MTX2: variants seen among roughly 807,000 people sequenced by gnomAD.
MTX2 encodes the protein metaxin-2.
Under a neutral mutation model 42.3 loss-of-function variants are expected in MTX2, and 35 were observed. That is an observed-to-expected ratio of 0.83 (90% CI 0.63 to 1.10). The LOEUF is 1.10. MTX2 is among the 50% of genes least tolerant of loss of function. MTX2 has a pLI of 0.00. For missense variants in MTX2, 307 were observed against 304.1 expected (o/e 1.01, Z -0.07); for synonymous variants, 119 against 100.9 (o/e 1.18, Z -1.08).
intron 1 of MTX2, among the ~76,000 whole-genome samples, chr2:176,293,577 G>A (rs11887126): frequency 0.25 from 37,856 of 151,786 alleles, 4,949 homozygotes; most frequent in South Asian, 0.31. Context: ...AAAGAGAGCG[G>A]CATCTCCCCC....
At chr2:176,304,404 A>G (rs1250820590) in intron 3 of MTX2, 2 of 152,708 alleles carry the variant, frequency 1.3e-5, no homozygotes, top group Admixed American at 6.5e-5. Context: ...AATAGTCACA[A>G]ATATAATTAA....
At chr2:176,282,126 G>GTTTTTTTGTTTTTTTT (rs1693091383) in intron 1 of MTX2, among the ~76,000 whole-genome samples, 3 of 26,432 alleles carry the variant, frequency 1.1e-4, no homozygotes, top group Admixed American at 6.1e-4. Context: ...AGTTACAGTA[G>GTTTTTTTGTTTTTTTT]TTTTTTTTTT....
intron 3 of MTX2, among the ~76,000 whole-genome samples, chr2:176,307,345 G>A (rs1423717386): frequency 6.6e-6 from 1 of 152,146 alleles, no homozygotes; most frequent in Non-Finnish European, 1.5e-5. Flanking sequence ...GTAGTGTGAT[G>A]CCTCCAGCTT....
intron 3 of MTX2, among the ~76,000 whole-genome samples, chr2:176,319,562 T>G (rs565121682): frequency 3.9e-4 from 59 of 152,000 alleles, no homozygotes; most frequent in African/African-American, 1.4e-3. Flanking sequence ...CTGCTAATTT[T>G]TTTGTTTGTT....
intron 3 of MTX2, among the ~76,000 whole-genome samples, chr2:176,317,582 A>AT (rs1684478021): frequency 6.6e-6 from 1 of 152,134 alleles, no homozygotes; most frequent in South Asian, 2.1e-4. Context: ...TTGAGAGGTC[A>AT]TTTTTGTTTG....
intron 9 of MTX2, among the ~76,000 whole-genome samples, chr2:176,334,410 A>G (rs1684939343): frequency 6.6e-6 from 1 of 151,842 alleles, no homozygotes; most frequent in African/African-American, 2.4e-5. Flanking sequence ...ATGTGGAAGA[A>G]TTGGTGTTTG....
chr2:176,323,589 A>G, intron 4 of MTX2, 125 bp downstream of exon 4: 1 of 865,044 alleles, frequency 1.2e-6, no homozygotes. Flanking sequence ...GAATCTTTCC[A>G]TGGTTTTAGA....
At chr2:176,272,234 C>G (rs1692832837) in intron 1 of MTX2, among the ~76,000 whole-genome samples, 1 of 151,936 alleles carries the variant, frequency 6.6e-6, no homozygotes, top group Non-Finnish European at 1.5e-5. Flanking sequence ...AGGTGGTTAC[C>G]AGAGGCTGAG....
intron 3 of MTX2, among the ~76,000 whole-genome samples, chr2:176,310,745 T>TC (rs774329726): frequency 5.3e-5 from 8 of 152,190 alleles, no homozygotes; most frequent in Non-Finnish European, 8.8e-5. Context: ...TTTTCAGCTC[T>TC]GTCAGGTCAT....
intron 3 of MTX2, among the ~76,000 whole-genome samples, chr2:176,322,603 T>C (rs991490131): frequency 9.9e-5 from 15 of 151,980 alleles, no homozygotes; most frequent in Non-Finnish European, 1.9e-4. Flanking sequence ...TAAAAAACAG[T>C]GGGTTTGGCA....
At chr2:176,270,375 G>C in intron 1 of MTX2, 7 of 1,363,622 alleles carry the variant, frequency 5.1e-6, no homozygotes, top group Non-Finnish European at 6.9e-6. Flanking sequence ...GTACTTTAAA[G>C]AAATACTTTT....
At chr2:176,331,296 C>T (rs990214717) in intron 9 of MTX2, among the ~76,000 whole-genome samples, 3 of 151,064 alleles carry the variant, frequency 2.0e-5, no homozygotes, top group South Asian at 4.1e-4. Context: ...TAAAAAATTA[C>T]AATTTTAATA....
chr2:176,301,449 G>A (rs1558932964), intron 3 of MTX2, among the ~76,000 whole-genome samples: 1 of 152,088 alleles, frequency 6.6e-6, no homozygotes. Context: ...AACTGTATGA[G>A]GTAAGTGCTG....
chr2:176,308,054 C>A (rs764689427), intron 3 of MTX2, among the ~76,000 whole-genome samples: 5 of 151,886 alleles, frequency 3.3e-5, no homozygotes, highest in Non-Finnish European at 7.4e-5. Flanking sequence ...ATAGCTCTTA[C>A]TATTTTGAGA....
chr2:176,270,335 C>A, intron 1 of MTX2: 1 of 1,351,418 alleles, frequency 7.4e-7, no homozygotes, highest in Non-Finnish European at 9.8e-7. Flanking sequence ...CACGCCCGCG[C>A]GGATTCATGG....
intron 3 of MTX2, among the ~76,000 whole-genome samples, chr2:176,311,453 A>G (rs141253979): frequency 1.9e-3 from 287 of 152,322 alleles, no homozygotes; most frequent in African/African-American, 6.6e-3. Context: ...AGACAGGGAC[A>G]TTGAAGTCTG....
At chr2:176,333,884 A>C (rs1400776178) in intron 9 of MTX2, among the ~76,000 whole-genome samples, 1 of 151,734 alleles carries the variant, frequency 6.6e-6, no homozygotes, top group Admixed American at 6.6e-5. Context: ...CTCTAGGTGT[A>C]TAGCACCATC....
chr2:176,304,536 A>G (rs536195509), intron 3 of MTX2, among the ~76,000 whole-genome samples: 3 of 152,124 alleles, frequency 2.0e-5, no homozygotes, highest in South Asian at 4.1e-4. Context: ...CCTTATTTCA[A>G]TTACAGGGTC....
intron 1 of MTX2, among the ~76,000 whole-genome samples, chr2:176,283,656 CAT>C (rs1391150294): frequency 2.7e-4 from 41 of 152,310 alleles, no homozygotes; most frequent in African/African-American, 9.6e-4. Flanking sequence ...ACCATAATCA[CAT>C]AGTAGATACT....
Sources: allele counts gnomAD v4.1 joint callset (sites outside exome capture counted in the v4.1 genomes callset), GRCh38; gene constraint gnomAD v4.1.1; transcripts MANE v1.5; gene names NCBI Gene and HGNC (gene_info 2026-07-23, HGNC 2026-07-21).